Variants in GPC5 observed in about 807,000 individuals in gnomAD.
The protein encoded by GPC5 is glypican-5.
Under a neutral mutation model 53.9 loss-of-function variants are expected in GPC5, and 47 were observed. The observed-to-expected ratio is 0.87, with a 90% CI of 0.69 to 1.11. GPC5 has a LOEUF of 1.11. GPC5 is among the 50% of genes most tolerant of loss of function. The pLI, the probability that GPC5 is intolerant of heterozygous loss-of-function variation, is 0.00. For missense variants in GPC5, 748 were observed against 713.1 expected, an observed-to-expected ratio of 1.05 and a Z score of -0.56; for synonymous variants, 286 against 263.3, an observed-to-expected ratio of 1.09 and a Z score of -0.84.
intron 7 of GPC5, among the ~76,000 whole-genome samples, chr13:92,534,841 G>C (rs1450895135): frequency 6.6e-6 from 1 of 152,082 alleles, no homozygotes; most frequent in Non-Finnish European, 1.5e-5. Flanking sequence ...AAAACATGTA[G>C]TACAAGAAAT....
chr13:91,803,644 T>G (rs1334850418), intron 5 of GPC5, among the ~76,000 whole-genome samples: 1 of 152,184 alleles, frequency 6.6e-6, no homozygotes, highest in Non-Finnish European at 1.5e-5. Context: ...TTCGTAAGAT[T>G]GTTACATTAA....
intron 6 of GPC5, among the ~76,000 whole-genome samples, chr13:91,942,338 A>T (rs941575510): frequency 1.3e-5 from 2 of 152,082 alleles, no homozygotes; most frequent in African/African-American, 4.8e-5. Flanking sequence ...TTCTTGTTAC[A>T]GTCATTTTAT....
At chr13:92,559,672 C>T (rs545744907) in intron 7 of GPC5, among the ~76,000 whole-genome samples, 165 of 151,580 alleles carry the variant, frequency 1.1e-3, no homozygotes, top group Non-Finnish European at 2.0e-3. Context: ...CTAGCTAGTC[C>T]GAAACTGGCC....
chr13:92,851,539 T>A (rs1348947360), intron 7 of GPC5, among the ~76,000 whole-genome samples: 2 of 152,130 alleles, frequency 1.3e-5, no homozygotes, highest in African/African-American at 2.4e-5. Flanking sequence ...ATTTGTATTA[T>A]TATGTTTTCT....
intron 5 of GPC5, among the ~76,000 whole-genome samples, chr13:91,841,376 A>C (rs936180709): frequency 6.7e-6 from 1 of 150,194 alleles, no homozygotes; most frequent in African/African-American, 2.5e-5. Context: ...AGATAAAGAA[A>C]AATATCTTAG....
At chr13:92,581,312 C>A (rs1308596960) in intron 7 of GPC5, among the ~76,000 whole-genome samples, 1 of 152,098 alleles carries the variant, frequency 6.6e-6, no homozygotes, top group Non-Finnish European at 1.5e-5. Context: ...TAAGCAAGAT[C>A]ATGTGGTATT....
chr13:92,631,703 C>T (rs1885245278), intron 7 of GPC5, among the ~76,000 whole-genome samples: 1 of 152,086 alleles, frequency 6.6e-6, no homozygotes, highest in African/African-American at 2.4e-5. Flanking sequence ...AAAGGATGAG[C>T]ATCCTTAATC....
At chr13:91,857,864 A>G (rs537922425) in intron 5 of GPC5, among the ~76,000 whole-genome samples, 1 of 151,574 alleles carries the variant, frequency 6.6e-6, no homozygotes, top group East Asian at 1.9e-4. Flanking sequence ...AATTTTCTAC[A>G]TCTATTCAGA....
chr13:92,860,714 T>G (rs1199352971), intron 7 of GPC5, among the ~76,000 whole-genome samples: 1 of 152,116 alleles, frequency 6.6e-6, no homozygotes, highest in African/African-American at 2.4e-5. Context: ...CAGAAGATAT[T>G]TGTCAAGTCA....
intron 2 of GPC5, among the ~76,000 whole-genome samples, chr13:91,588,410 T>G (rs1215857255): frequency 3.3e-5 from 5 of 152,084 alleles, no homozygotes; most frequent in Non-Finnish European, 7.4e-5. Context: ...TTGGGAGAGT[T>G]CCTTAATTTC....
At chr13:92,440,756 C>A (rs1322373747) in intron 7 of GPC5, among the ~76,000 whole-genome samples, 1 of 152,092 alleles carries the variant, frequency 6.6e-6, no homozygotes. Context: ...TTGCCAGCAT[C>A]TGTTATTTTT....
chr13:92,336,559 G>A (rs9523631), intron 7 of GPC5, among the ~76,000 whole-genome samples: 16,405 of 85,192 alleles, frequency 0.19, 958 homozygotes, highest in Middle Eastern at 0.32. Context: ...TGTTGTCTGA[G>A]TAGAGATGGA....
intron 4 of GPC5, among the ~76,000 whole-genome samples, chr13:91,750,323 C>T (rs1380312722): frequency 6.6e-6 from 1 of 152,088 alleles, no homozygotes; most frequent in Non-Finnish European, 1.5e-5. Context: ...TATTTCATTT[C>T]TGTGTACTAG....
chr13:91,929,480 A>G lies in GPC5; in HGVS notation c.1401+21423A>G, dbSNP rs113667342. 5.3e-3 allele frequency among the ~76,000 whole-genome samples: 805 copies of G among 152,214 alleles called. 3 individuals are homozygous for G. Among genetic ancestry groups the G allele is most frequent in the African/African-American group, 0.018 (762 of 41,532 alleles). On this transcript the variant is annotated intron_variant, in intron 6 of 7. Coordinates refer to ENST00000377067, the MANE Select transcript of GPC5 (RefSeq NM_004466.6). ...ATTTTTGGATGAAATTGCATAGATT[A>G]CCTCCATCTTAATTTTCAACGTAAA...
intron 7 of GPC5, among the ~76,000 whole-genome samples, chr13:92,206,940 G>T (rs874795): frequency 0.6 from 90,369 of 151,868 alleles, 27,622 homozygotes; most frequent in Middle Eastern, 0.75. Context: ...AGGCATCTAG[G>T]ATAACTGAGC....
At chr13:91,847,908 A>G (rs981774011) in intron 5 of GPC5, among the ~76,000 whole-genome samples, 6 of 152,194 alleles carry the variant, frequency 3.9e-5, no homozygotes, top group African/African-American at 1.4e-4. Context: ...TATAGTAGAA[A>G]ATACAGCCTC....
At chr13:91,977,973 A>G (rs2040321421) in intron 6 of GPC5, among the ~76,000 whole-genome samples, 1 of 148,684 alleles carries the variant, frequency 6.7e-6, no homozygotes. Context: ...GAAAGAAAGA[A>G]AGAAAGAAAG....
chr13:91,774,823 T>G (rs187320753), intron 5 of GPC5, among the ~76,000 whole-genome samples: 3 of 152,290 alleles, frequency 2.0e-5, no homozygotes, highest in South Asian at 4.1e-4. Flanking sequence ...AGAGGAGACT[T>G]GACTCCAGCC....
chr13:92,267,641 A>G (rs1210374103), intron 7 of GPC5, among the ~76,000 whole-genome samples: 1 of 152,082 alleles, frequency 6.6e-6, no homozygotes, highest in Non-Finnish European at 1.5e-5. Flanking sequence ...CATGTCTCTA[A>G]TAACATATTT....
Sources: allele counts gnomAD v4.1 joint callset (sites outside exome capture counted in the v4.1 genomes callset), GRCh38; gene constraint gnomAD v4.1.1; transcripts MANE v1.5; gene names NCBI Gene and HGNC (gene_info 2026-07-23, HGNC 2026-07-21).